The following FAM83A variants were observed in gnomAD, a reference collection of about 807,000 sequenced individuals.
FAM83A encodes scaffolding CK1 anchoring protein A, also known as protein FAM83A.
A neutral mutation model predicts 24.4 loss-of-function variants in FAM83A; 21 were observed. The ratio of observed to expected loss-of-function variants is 0.86; its 90% CI spans 0.61 to 1.24. The LOEUF is 1.24. Ranked by LOEUF, FAM83A falls within the 50% of genes most tolerant of loss-of-function variation. The pLI, the probability that FAM83A is intolerant of heterozygous loss-of-function variation, is 0.00. For missense variants in FAM83A, 617 were observed against 579.8 expected, an observed-to-expected ratio of 1.06 and a Z score of -0.66; for synonymous variants, 270 against 252.4, an observed-to-expected ratio of 1.07 and a Z score of -0.66.
chr8:123,183,721 C>G (rs1296693030), intron 1 of FAM83A, among the ~76,000 whole-genome samples: 2 of 131,592 alleles, frequency 1.5e-5, no homozygotes, highest in Non-Finnish European at 3.2e-5. Flanking sequence ...GAGTCTTGCT[C>G]TTCTTGCTCT....
At chr8:123,193,966 C>G (rs900314121) in intron 2 of FAM83A, 58 bp from the exon 3 acceptor site, 9 of 1,604,000 alleles carry the variant, frequency 5.6e-6, no homozygotes, top group Non-Finnish European at 7.7e-6. Context: ...AGCCTAAAGC[C>G]CAAATGTATC....
chr8:123,209,904 T>C lies in FAM83A; in HGVS notation c.*2216T>C. The C allele has an allele frequency of 4.2e-6, 1 of 238,396 alleles. No individual in the cohort carries two copies. The highest frequency in any genetic ancestry group is 8.3e-5 in the East Asian group (1 of 12,108). The allele number at this position is 238,396 out of a possible 1,614,324, so 14.8% of individuals were successfully genotyped here. On this transcript the variant is annotated 3_prime_UTR_variant, in exon 4 of 4. Transcript: ENST00000690554. This position sits in a 1 kb window ranked among gnomAD's most constrained non-coding sequence, Gnocchi z 4.7. ...GAGCAGAACCGCCGAGGGTCACTTC[T>C]GGGCAGAAGCTTTGAGAGCCTGGGT...
chr8:123,184,079 C>T lies in FAM83A; in HGVS notation c.480+743C>T, dbSNP rs781234003. On this transcript the variant is annotated intron_variant, in intron 1 of 3. Coordinates refer to ENST00000690554, the Ensembl canonical transcript of FAM83A. ...TCCCAGTTGCCCATAATGGGAAGAACAAACTCCTTAGCATGGCTTCCACCT... is the reference window on the plus strand; with the variant it reads ...TCCCAGTTGCCCATAATGGGAAGAATAAACTCCTTAGCATGGCTTCCACCT... Among the ~76,000 whole-genome samples, 3 of 152,276 alleles carry T rather than the reference C, an allele frequency of 2.0e-5. No homozygotes were observed. In the Middle Eastern group the frequency reaches 0.01, roughly 518 times the overall value.
chr8:123,208,856 A>C (rs1255737468), exon 4 of FAM83A: 4 of 953,044 alleles, frequency 4.2e-6, no homozygotes, highest in Non-Finnish European at 5.0e-6. Flanking sequence ...AAAATACAAA[A>C]ATTAGGCTGA....
At chr8:123,199,508 G>T (rs1297666655) in intron 3 of FAM83A, among the ~76,000 whole-genome samples, 1 of 152,160 alleles carries the variant, frequency 6.6e-6, no homozygotes, top group Non-Finnish European at 1.5e-5. Context: ...GCCAAGGTGG[G>T]CAGATCACCT....
chr8:123,180,596 C>A (rs1371022697), upstream of FAM83A: 1 of 152,400 alleles, frequency 6.6e-6, no homozygotes, highest in Non-Finnish European at 1.5e-5. Context: ...CCCGGTCTAT[C>A]TCGCTAGACT....
rs1160910619 is a variant in FAM83A at position 123,191,903 on chromosome 8, AC to A, written c.583del (p.Gln195ArgfsTer4). On this transcript the variant is annotated frameshift_variant, in exon 2 of 4. Coordinates refer to ENST00000690554, the Ensembl canonical transcript of FAM83A. LOFTEE classifies it high-confidence loss of function. Reference sequence around the variant, plus strand: ...GGGGTGTTCGTTTGTGTGCTCCTGGACCAGGGAGGTGTGAAGCTCTTCCAGG... The same window carrying A: ...GGGGTGTTCGTTTGTGTGCTCCTGGACAGGGAGGTGTGAAGCTCTTCCAGG... 1 of 1,614,180 alleles carries A rather than the reference AC, an allele frequency of 6.2e-7. No homozygotes were observed. The highest frequency in any genetic ancestry group is 1.7e-5 in the Admixed American group (1 of 60,032).
At chr8:123,186,271 C>G (rs1396162403) in intron 1 of FAM83A, among the ~76,000 whole-genome samples, 1 of 152,172 alleles carries the variant, frequency 6.6e-6, no homozygotes, top group East Asian at 1.9e-4. Context: ...ACACACCCCC[C>G]CACGTGCAGG....
intron 2 of FAM83A, among the ~76,000 whole-genome samples, chr8:123,193,138 G>A (rs991913629): frequency 3.9e-5 from 6 of 152,238 alleles, no homozygotes; most frequent in Admixed American, 2.0e-4. Context: ...TGTACGGCGG[G>A]AGCAGCAGGT....
chr8:123,206,008 T>A lies in FAM83A; in HGVS notation c.774-1149T>A, dbSNP rs540021922. ...AAATACAAAAATTAGCTGGGCGTGG[T>A]GGCGGGCGCCTGTAATCCCAGCTAC... On this transcript the variant is annotated intron_variant, in intron 3 of 3. Coordinates refer to ENST00000690554, the Ensembl canonical transcript of FAM83A. Among the ~76,000 whole-genome samples, 3 of 152,018 alleles carry A rather than the reference T, an allele frequency of 2.0e-5. No individual in the cohort carries two copies. In the South Asian group the frequency reaches 6.2e-4, roughly 32 times the overall value.
At chr8:123,206,077 A>T (rs1188809032) in intron 3 of FAM83A, among the ~76,000 whole-genome samples, 1 of 150,288 alleles carries the variant, frequency 6.7e-6, no homozygotes, top group Non-Finnish European at 1.5e-5. Flanking sequence ...TGAGAGGCGG[A>T]GGTTGCAGTG....
At position 123,182,963 on chromosome 8, in the gene FAM83A, G is replaced by A. The variant is rs766202789; in HGVS notation, c.107G>A (p.Arg36Gln). ...GACTTTAGTGACAACGAGAGTGCCC[G>A]GCTGGCCACGGACGCCCTCTTGGAT... is the stretch of plus-strand genomic sequence containing the variant. The change falls in exon 1 of 4, where the codon CGG becomes CAG. Residue 36 changes from arginine to glutamine, a missense_variant. Transcript: ENST00000690554. 9.3e-6 allele frequency: 15 copies of A among 1,609,584 alleles called. No homozygotes were observed. The highest frequency in any genetic ancestry group is 4.5e-5 in the East Asian group (2 of 44,790).
intron 3 of FAM83A, chr8:123,202,544 T>C (rs966652102): frequency 9.8e-5 from 15 of 152,700 alleles, no homozygotes; most frequent in African/African-American, 3.6e-4. Flanking sequence ...ACTGGGTATG[T>C]TTTCTTCTCT....
At chr8:123,194,033 A>C (rs1187794823) in exon 3 of FAM83A, 5 of 1,614,198 alleles carry the variant, frequency 3.1e-6, no homozygotes, top group Middle Eastern at 1.7e-4. Flanking sequence ...GAACATTTCC[A>C]TCCGGAGTGT....
rs1275939257 is a variant in FAM83A, at chr8:123,183,350, A to G, written c.480+14A>G. Reference sequence around the variant, plus strand: ...CGGACTAGCCAGGTACCGATGGCAAAGCCCCTGTCTCCGTGGCCAAGTAGC... The same window carrying G: ...CGGACTAGCCAGGTACCGATGGCAAGGCCCCTGTCTCCGTGGCCAAGTAGC... On this transcript the variant is annotated intron_variant, in intron 1 of 3. Coordinates refer to ENST00000690554, the Ensembl canonical transcript of FAM83A. 6.2e-7 allele frequency: 1 copy of G among 1,600,750 alleles called. No individual in the cohort carries two copies. The highest frequency in any genetic ancestry group is 8.5e-7 in the Non-Finnish European group (1 of 1,171,754).
chr8:123,207,924 T>C (rs1824620599), exon 4 of FAM83A: 1 of 1,240,400 alleles, frequency 8.1e-7, no homozygotes, highest in African/African-American at 1.6e-5. Flanking sequence ...TCCAGGGAGG[T>C]TGTGGGGCAG....
upstream of FAM83A, chr8:123,182,280 G>A (rs541915617): frequency 5.7e-4 from 213 of 376,468 alleles, 3 homozygotes; most frequent in South Asian, 4.0e-3. Flanking sequence ...AGCTCTCCCT[G>A]GCCCGTGTCC....
At chr8:123,190,041 A>C (rs924389899) in intron 1 of FAM83A, among the ~76,000 whole-genome samples, 28 of 152,062 alleles carry the variant, frequency 1.8e-4, no homozygotes, top group Non-Finnish European at 3.2e-4. Context: ...ATAAGATTAT[A>C]ATGGAGCAGG....
chr8:123,186,847 C>T (rs1823817251), intron 1 of FAM83A, among the ~76,000 whole-genome samples: 1 of 152,086 alleles, frequency 6.6e-6, no homozygotes, highest in Admixed American at 6.5e-5. Context: ...AAACACTTCC[C>T]TTATTCCACA....
Sources: gnomAD v4.1 joint callset for allele counts (sites outside exome capture counted in the v4.1 genomes callset) on GRCh38, gnomAD v4.1.1 for gene constraint, Gnocchi (gnomAD v3.1) non-coding constraint, MANE v1.5 for transcripts, NCBI Gene and HGNC (gene_info 2026-07-23, HGNC 2026-07-21) for gene names.